The following PLCL2 variants were observed in gnomAD, a reference collection of about 807,000 sequenced individuals.
PLCL2 encodes the protein phospholipase C like 2.
In PLCL2, 4 loss-of-function variants were observed where a neutral mutation model predicts 79.6. The observed-to-expected ratio is 0.05, with a 90% CI of 0.02 to 0.11. The LOEUF (loss-of-function observed/expected upper bound fraction) is 0.11, where lower values mean the gene tolerates loss of function less well. Ranked by LOEUF, PLCL2 falls within the 10% of genes least tolerant of loss-of-function variation. The pLI is 1.00. For synonymous variants in PLCL2, 484 were observed against 457.7 expected (o/e 1.06, Z -0.73); for missense variants, 895 against 1,291.0 (o/e 0.69, Z 4.70).
chr3:16,980,624 C>T (rs1482043069), intron 1 of PLCL2, among the ~76,000 whole-genome samples: 6 of 152,064 alleles, frequency 3.9e-5, no homozygotes, highest in African/African-American at 7.2e-5. Flanking sequence ...GGATGGCAGC[C>T]GGGCAGAGAC....
chr3:16,936,525 AAAAG>A (rs1198015788), intron 1 of PLCL2, among the ~76,000 whole-genome samples: 25 of 152,346 alleles, frequency 1.6e-4, no homozygotes, highest in Admixed American at 3.9e-4. Context: ...GTTTAAAAAA[AAAAG>A]AAAGAAAGAA....
chr3:16,906,204 C>T (rs1696749118), intron 1 of PLCL2, among the ~76,000 whole-genome samples: 1 of 152,096 alleles, frequency 6.6e-6, no homozygotes, highest in Non-Finnish European at 1.5e-5. Flanking sequence ...TGTGTGAGCC[C>T]CTAAAAATAT....
intron 4 of PLCL2, among the ~76,000 whole-genome samples, chr3:17,059,450 G>GTGTATATGTATATACACT (rs2064924168): frequency 6.8e-6 from 1 of 147,146 alleles, no homozygotes; most frequent in Non-Finnish European, 1.5e-5. Context: ...ATGTGTGTGT[G>GTGTATATGTATATACACT]TGTATATATA....
chr3:17,054,396 G>A (rs2064873249), intron 4 of PLCL2, among the ~76,000 whole-genome samples: 1 of 152,060 alleles, frequency 6.6e-6, no homozygotes, highest in Non-Finnish European at 1.5e-5. Context: ...TCATCTTCCT[G>A]TCTTTTTCTG....
rs371163265 is a variant in PLCL2 at position 16,921,693 on chromosome 3, C to T, written c.327+36327C>T. Among the ~76,000 whole-genome samples, 14 of 152,242 alleles carry T rather than the reference C, an allele frequency of 9.2e-5. No homozygotes were observed. The East Asian group carries it at 2.3e-3, about 25-fold the overall frequency. ...AAGATTCTAAATTCCCAGAATATCA[C>T]TAATTTATTTTCATATACCAGTGCA... On this transcript the variant is annotated intron_variant, in intron 1 of 5. Coordinates refer to ENST00000615277, the MANE Select transcript of PLCL2 (RefSeq NM_001144382.2).
chr3:16,903,130 G>T (rs1422908758), intron 1 of PLCL2, among the ~76,000 whole-genome samples: 1 of 152,132 alleles, frequency 6.6e-6, no homozygotes, highest in Non-Finnish European at 1.5e-5. Flanking sequence ...TTTTGAAAAG[G>T]AGTATTCAGG....
chr3:16,983,687 G>T (rs534972709), intron 1 of PLCL2, among the ~76,000 whole-genome samples: 8 of 152,290 alleles, frequency 5.3e-5, no homozygotes, highest in African/African-American at 1.9e-4. Flanking sequence ...ATGAGATGGT[G>T]AGAATTGTCC....
chr3:16,927,844 A>C (rs959744974), intron 1 of PLCL2, among the ~76,000 whole-genome samples: 1 of 152,254 alleles, frequency 6.6e-6, no homozygotes, highest in African/African-American at 2.4e-5. Flanking sequence ...TCTGTTGTCA[A>C]ATAAGTTTGG....
At chr3:17,081,078 A>T (rs2065157932) in intron 5 of PLCL2, 1 of 430,146 alleles carries the variant, frequency 2.3e-6, no homozygotes, top group Admixed American at 2.5e-5. Context: ...TGTCCTTTTT[A>T]TGAAACGAGA....
chr3:16,968,413 TTTTCCA>T (rs1473501402), intron 1 of PLCL2, among the ~76,000 whole-genome samples: 9 of 152,266 alleles, frequency 5.9e-5, no homozygotes, highest in African/African-American at 1.9e-4. Flanking sequence ...CATGGAATGT[TTTTCCA>T]TTTGTTTGTG....
At chr3:17,043,861 T>A (rs770226943) in intron 4 of PLCL2, among the ~76,000 whole-genome samples, 8 of 152,244 alleles carry the variant, frequency 5.3e-5, no homozygotes, top group Non-Finnish European at 1.2e-4. Flanking sequence ...TTTACTCATC[T>A]TGTCAGCAAA....
chr3:16,955,948 G>T (rs757929124), intron 1 of PLCL2, among the ~76,000 whole-genome samples: 1,522 of 152,052 alleles, frequency 0.01, 9 homozygotes, highest in Admixed American at 0.02. Context: ...TGGGGTTTTC[G>T]AGATATACAA....
chr3:17,054,814 G>T (rs1054192346), intron 4 of PLCL2, among the ~76,000 whole-genome samples: 9 of 152,124 alleles, frequency 5.9e-5, no homozygotes, highest in African/African-American at 2.2e-4. Context: ...ATGTTTCTCA[G>T]CTCTGTTTTA....
chr3:16,894,637 C>T (rs1298414167), intron 1 of PLCL2, among the ~76,000 whole-genome samples: 1 of 152,060 alleles, frequency 6.6e-6, no homozygotes, highest in Non-Finnish European at 1.5e-5. Flanking sequence ...TTGATTGTAA[C>T]TATTGTGACG....
chr3:16,959,092 A>G (rs570435123), intron 1 of PLCL2, among the ~76,000 whole-genome samples: 20 of 152,284 alleles, frequency 1.3e-4, no homozygotes, highest in Admixed American at 2.6e-4. Context: ...TGTGTTTGAC[A>G]GTGTCTCCCT....
chr3:16,897,301 TAA>T (rs762425409), intron 1 of PLCL2, among the ~76,000 whole-genome samples: 6 of 141,830 alleles, frequency 4.2e-5, no homozygotes, highest in Admixed American at 1.4e-4. Context: ...TTATGTCAAT[TAA>T]AAAAAAAAAA....
intron 1 of PLCL2, among the ~76,000 whole-genome samples, chr3:16,956,683 A>C (rs2063709027): frequency 6.6e-6 from 1 of 152,032 alleles, no homozygotes; most frequent in Non-Finnish European, 1.5e-5. Context: ...TTGGTAAGCT[A>C]TTGATTATTG....
At chr3:16,936,935 A>T (rs565419032) in intron 1 of PLCL2, among the ~76,000 whole-genome samples, 1 of 152,140 alleles carries the variant, frequency 6.6e-6, no homozygotes, top group Non-Finnish European at 1.5e-5. Context: ...CCTCAGTACT[A>T]TGAACATTTT....
At chr3:17,037,007 T>C (rs931146317) in intron 3 of PLCL2, among the ~76,000 whole-genome samples, 3 of 152,202 alleles carry the variant, frequency 2.0e-5, no homozygotes, top group Non-Finnish European at 2.9e-5. Flanking sequence ...TATGATCACA[T>C]TGACAATACT....
Sources: allele counts gnomAD v4.1 joint callset (sites outside exome capture counted in the v4.1 genomes callset), GRCh38; gene constraint gnomAD v4.1.1; transcripts MANE v1.5; gene names NCBI Gene and HGNC (gene_info 2026-07-23, HGNC 2026-07-21).